Variants in TTLL8 observed in about 807,000 individuals in gnomAD.
TTLL8 encodes the protein protein monoglycylase TTLL8.
In TTLL8, 65 loss-of-function variants were observed where a neutral mutation model predicts 77.8. The ratio of observed to expected loss-of-function variants is 0.84; its 90% CI spans 0.68 to 1.03. The LOEUF is 1.03. Among genes scored for constraint, TTLL8 ranks in the 50% least tolerant of loss-of-function variants. The pLI is 0.00. For missense variants in TTLL8, 910 were observed against 1,004.5 expected, an observed-to-expected ratio of 0.91 and a Z score of 1.27; for synonymous variants, 402 against 422.8, an observed-to-expected ratio of 0.95 and a Z score of 0.60.
Position 50,030,937 on chromosome 22 carries a change from G to A in TTLL8, c.1708-12C>T. The A allele has an allele frequency of 7.6e-7, 1 of 1,315,176 alleles. No homozygotes were observed. Among genetic ancestry groups the A allele is most frequent in the Non-Finnish European group, 1.0e-6 (1 of 1,003,374 alleles). The allele number at this position is 1,315,176 out of a possible 1,614,324, so 81.5% of individuals were successfully genotyped here. ...GGCTCAACCACCGGCTGTGGGGAAG[G>A]AACAGGTTGGGGTGCTGGGCTGTGG... On this transcript the variant is annotated splice_polypyrimidine_tract_variant and intron_variant, in intron 11 of 13. Transcript: ENST00000266182.
chr22:50,055,327 T>A (rs1447158244), upstream of TTLL8: 2 of 1,289,708 alleles, frequency 1.6e-6, no homozygotes, highest in African/African-American at 3.0e-5. Context: ...GTTTTAATTC[T>A]GCAAAAGAGA....
chr22:50,020,288 T>TGTGCACTCCTCCATCTGAC (rs71196400), intron 12 of TTLL8, among the ~76,000 whole-genome samples: 18,256 of 131,422 alleles, frequency 0.14, 1,648 homozygotes, highest in African/African-American at 0.18. Flanking sequence ...CTCCATCTGA[T>TGTGCACTCCTCCATCTGAC]GTGCACTCCT....
intron 12 of TTLL8, among the ~76,000 whole-genome samples, chr22:50,022,535 C>A (rs1179991053): frequency 6.6e-6 from 1 of 151,670 alleles, no homozygotes; most frequent in Non-Finnish European, 1.5e-5. Context: ...ATCTGACATG[C>A]ATTCCTCCAT....
At chr22:50,047,206 G>A in exon 4 of TTLL8, 1 of 1,367,616 alleles carries the variant, frequency 7.3e-7, no homozygotes, top group Admixed American at 1.9e-5. Context: ...TAGTGGTTCA[G>A]CATCTGGTCG....
intron 1 of TTLL8, among the ~76,000 whole-genome samples, chr22:50,054,405 G>A (rs1255826424): frequency 6.6e-6 from 1 of 152,026 alleles, no homozygotes; most frequent in Non-Finnish European, 1.5e-5. Context: ...TAAAAGGTAA[G>A]GCCTCCCTCT....
chr22:50,052,481 A>C (rs1255328380), intron 1 of TTLL8, among the ~76,000 whole-genome samples: 1 of 152,198 alleles, frequency 6.6e-6, no homozygotes. Flanking sequence ...AATTGAACCA[A>C]AGGAACGTAC....
upstream of TTLL8, among the ~76,000 whole-genome samples, chr22:50,058,268 C>G (rs1354955927): frequency 4.7e-5 from 7 of 149,320 alleles, no homozygotes; most frequent in Admixed American, 4.0e-4. The surrounding 1 kb of genome is among the most constrained non-coding windows in gnomAD (Gnocchi z 4.2). Context: ...CTGCTGGGCC[C>G]GTGGCCTCGG....
chr22:50,031,856 C>T (rs746585526), exon 11 of TTLL8: 44 of 1,367,308 alleles, frequency 3.2e-5, no homozygotes, highest in Admixed American at 3.8e-5. Flanking sequence ...CTCCCAAGGA[C>T]GAAGTCAGCC....
At chr22:50,047,128 C>A (rs1216275290) in intron 4 of TTLL8, 40 bp downstream of exon 6, 2 of 1,364,270 alleles carry the variant, frequency 1.5e-6, no homozygotes, top group Non-Finnish European at 2.0e-6. Flanking sequence ...TCCCCACCAC[C>A]CTTGCCGGCT....
chr22:50,050,197 A>G (rs1302409902), exon 2 of TTLL8: 1 of 1,361,472 alleles, frequency 7.3e-7, no homozygotes, highest in East Asian at 4.6e-5. Context: ...TCCTTCGCAG[A>G]GCGGCCCGGA....
intron 3 of TTLL8, among the ~76,000 whole-genome samples, chr22:50,047,926 G>A (rs759892384): frequency 1.1e-4 from 16 of 152,100 alleles, no homozygotes; most frequent in Non-Finnish European, 2.1e-4. Flanking sequence ...GGTGAAACTC[G>A]TCTCTACTAA....
Position 50,034,421 on chromosome 22 carries a change from C to CT in TTLL8, c.962dup (p.Thr322AspfsTer4). On this transcript the variant is annotated frameshift_variant, in exon 9 of 14. Transcript: ENST00000266182. LOFTEE classifies it high-confidence loss of function. This position sits in a 1 kb window ranked among gnomAD's most constrained non-coding sequence, Gnocchi z 4.1. ...TGTTCCGGAGCCCGTCAATGTCCGT[C>CT]TGAGGGTTCACAGACGTGATTCTAT... 7.3e-7 allele frequency: 1 copy of CT among 1,367,360 alleles called. No homozygotes were observed. The highest frequency in any genetic ancestry group is 9.8e-7 in the Non-Finnish European group (1 of 1,021,828). 84.7% of individuals were successfully genotyped at this position (1,367,360 alleles called of 1,614,324 possible). A position where few individuals can be genotyped will look rare whatever the true frequency, so the allele number is the denominator to read the frequency against.
intron 1 of TTLL8, among the ~76,000 whole-genome samples, chr22:50,054,393 G>A (rs2146703126): frequency 6.6e-6 from 1 of 152,226 alleles, no homozygotes; most frequent in African/African-American, 2.4e-5. Context: ...TTACATCCCA[G>A]TTAAAAGGTA....
intron 12 of TTLL8, chr22:50,027,538 A>G: frequency 1.5e-6 from 1 of 652,292 alleles, no homozygotes; most frequent in Non-Finnish European, 1.9e-6. Context: ...CGTCTCAAAA[A>G]AAAAAAAAAA....
intron 1 of TTLL8, among the ~76,000 whole-genome samples, chr22:50,053,932 C>G (rs1468785369): frequency 6.8e-6 from 1 of 148,110 alleles, no homozygotes; most frequent in Non-Finnish European, 1.5e-5. Context: ...CTGCAGTCTG[C>G]ACATATTTGT....
intron 1 of TTLL8, 113 bp from the exon 4 acceptor site, chr22:50,050,360 A>G (rs1324683867): frequency 1.5e-5 from 10 of 655,358 alleles, no homozygotes; most frequent in South Asian, 1.5e-4. Flanking sequence ...GGGGGCACCC[A>G]TCACCCAATA....
chr22:50,047,311 G>A lies in TTLL8; in HGVS notation c.265-15C>T. The stretch of plus-strand genomic sequence containing the variant: ...ACCAACCTAGACTGGCAAGAAAAAA[G>A]TCTTTATTGATGCCCAGCATTCAAG... On this transcript the variant is annotated splice_polypyrimidine_tract_variant and intron_variant, in intron 3 of 13. Transcript: ENST00000266182. 7.3e-7 allele frequency: 1 copy of A among 1,367,234 alleles called. No homozygotes were observed. Among genetic ancestry groups the A allele is most frequent in the Non-Finnish European group, 9.8e-7 (1 of 1,021,546 alleles). The allele number at this position is 1,367,234 out of a possible 1,614,324, so 84.7% of individuals were successfully genotyped here.
intron 1 of TTLL8, among the ~76,000 whole-genome samples, chr22:50,053,465 A>G (rs2061454912): frequency 6.6e-6 from 1 of 152,196 alleles, no homozygotes; most frequent in South Asian, 2.1e-4. Context: ...ACATAGACAA[A>G]CGTACTCCAA....
rs1004850652 is a variant in TTLL8 at position 50,049,463 on chromosome 22, C to A, written c.191-141G>T. The stretch of plus-strand genomic sequence containing the variant: ...CAGATGGGGCCTTCCCCTGGTGGAG[C>A]AGGAGCCTCTGTGGGTCCTGAGTCA... On this transcript the variant is annotated intron_variant, in intron 2 of 13. Coordinates refer to ENST00000266182, the Ensembl canonical transcript of TTLL8. 3.3e-6 allele frequency: 3 copies of A among 899,086 alleles called. No individual in the cohort carries two copies. In the East Asian group the frequency reaches 1.6e-4, roughly 48 times the overall value. 55.7% of individuals were successfully genotyped at this position (899,086 alleles called of 1,614,324 possible).
Sources: allele counts gnomAD v4.1 joint callset (sites outside exome capture counted in the v4.1 genomes callset), GRCh38; gene constraint gnomAD v4.1.1; non-coding constraint Gnocchi (gnomAD v3.1); transcripts MANE v1.5; gene names NCBI Gene and HGNC (gene_info 2026-07-23, HGNC 2026-07-21).